The following GJA3 variants were observed in gnomAD, a reference collection of about 807,000 sequenced individuals.
GJA3 encodes gap junction alpha-3 protein.
For missense variants in GJA3, 571 were observed against 620.3 expected, an observed-to-expected ratio of 0.92 and a Z score of 0.84; for synonymous variants, 297 against 292.6, an observed-to-expected ratio of 1.02 and a Z score of -0.15.
chr13:20,149,955 C>A (rs1044312988), intron 1 of GJA3, among the ~76,000 whole-genome samples: 1 of 152,096 alleles, frequency 6.6e-6, no homozygotes, highest in Non-Finnish European at 1.5e-5. Context: ...TCAGGAACAG[C>A]GTGGTAATCT....
At chr13:20,145,182 A>C (rs953314022) in intron 1 of GJA3, among the ~76,000 whole-genome samples, 5 of 152,188 alleles carry the variant, frequency 3.3e-5, no homozygotes, top group African/African-American at 4.8e-5. Context: ...AGTCCATCTC[A>C]AAAAAATTTT....
rs746223535 is a variant in GJA3, at chr13:20,142,569, C to T, written c.720G>A (p.Pro240=). ...TCCCCAGCGGGGCCTCGGAGGCGTC[C>T]GGGCCGAGGCGGCTGGTCACGCCCT... ...LKQGVTSRLG[P]DASEAPLGTA... is the part of the protein sequence containing the mutation. The change falls in exon 2 of 2, where the codon CCG becomes CCA. Residue 240 remains proline, a synonymous_variant. Transcript: ENST00000241125. 5 of 1,594,318 alleles carry T rather than the reference C, an allele frequency of 3.1e-6. No individual in the cohort carries two copies. The highest frequency in any genetic ancestry group is 4.3e-6 in the Non-Finnish European group (5 of 1,171,016).
chr13:20,150,705 G>A (rs2141142392), intron 1 of GJA3, among the ~76,000 whole-genome samples: 1 of 151,268 alleles, frequency 6.6e-6, no homozygotes, highest in African/African-American at 2.5e-5. Flanking sequence ...GGGGCTGGAG[G>A]GCGAAGGCCC....
intron 1 of GJA3, among the ~76,000 whole-genome samples, chr13:20,159,117 A>G (rs1958922778): frequency 6.6e-6 from 1 of 151,950 alleles, no homozygotes; most frequent in Non-Finnish European, 1.5e-5. Context: ...TGTCACATAT[A>G]TTGGATTTTT....
chr13:20,146,906 G>A (rs1046568152), intron 1 of GJA3, among the ~76,000 whole-genome samples: 2 of 152,310 alleles, frequency 1.3e-5, no homozygotes, highest in South Asian at 2.1e-4. Context: ...GGCTGACACC[G>A]TGCTCTGGCC....
At chr13:20,148,588 A>T (rs1378338365) in intron 1 of GJA3, among the ~76,000 whole-genome samples, 1 of 152,184 alleles carries the variant, frequency 6.6e-6, no homozygotes, top group Non-Finnish European at 1.5e-5. Context: ...TATTCCTAAT[A>T]TCACTAGATA....
rs1047204525 is a variant in GJA3 at position 20,142,049 on chromosome 13, G to A, written c.1240C>T (p.Pro414Ser). The A allele has an allele frequency of 1.3e-6, 2 of 1,550,240 alleles. No individual in the cohort carries two copies. The highest frequency in any genetic ancestry group is 2.4e-5 in the South Asian group (2 of 84,032). ...CTGCTGGCCTTGCTGGCCCGACCTGGGTCTCCGAGGGGCAAGGGCGGCTGG... is the reference window on the plus strand; with the variant it reads ...CTGCTGGCCTTGCTGGCCCGACCTGAGTCTCCGAGGGGCAAGGGCGGCTGG... ...MHQPPLPLGDPGRASKASRAS... is the reference protein window; with the variant it reads ...MHQPPLPLGDSGRASKASRAS... Residue 414 changes from proline (P) to serine (S), a missense_variant, in exon 2 of 2, where the codon CCA (proline) becomes TCA (serine). Transcript: ENST00000241125.
At chr13:20,154,110 A>C (rs1958894825) in intron 1 of GJA3, among the ~76,000 whole-genome samples, 1 of 152,112 alleles carries the variant, frequency 6.6e-6, no homozygotes. Flanking sequence ...TACTTCTAAC[A>C]CAGGAAACTT....
rs901538187 is a variant in GJA3, at chr13:20,143,268, C to T, written c.21G>A (p.Leu7=). 2 of 1,521,800 alleles carry T rather than the reference C, an allele frequency of 1.3e-6. No homozygotes were observed. The highest frequency in any genetic ancestry group is 1.8e-6 in the Non-Finnish European group (2 of 1,137,362). 94.3% of individuals were successfully genotyped at this position (1,521,800 alleles called of 1,614,324 possible). A position where few individuals can be genotyped will look rare whatever the true frequency, so the allele number is the denominator to read the frequency against. ...CCTGTGCATTTTCTAAGAGTCTTCCCAGAAAGCTCCAGTCGCCCATTGCTT... is the reference window on the plus strand; with the variant it reads ...CCTGTGCATTTTCTAAGAGTCTTCCTAGAAAGCTCCAGTCGCCCATTGCTT... MGDWSF[L]GRLLENAQEH... is the part of the protein sequence containing the mutation. Residue 7 remains leucine (L), a synonymous_variant, in exon 2 of 2, where the codon CTG becomes CTA. Coordinates refer to ENST00000241125, the MANE Select transcript of GJA3 (RefSeq NM_021954.4).
At chr13:20,146,215 A>C (rs977592393) in intron 1 of GJA3, among the ~76,000 whole-genome samples, 40 of 152,330 alleles carry the variant, frequency 2.6e-4, no homozygotes, top group African/African-American at 9.1e-4. Flanking sequence ...CTGATGGCAC[A>C]GAGCACCATG....
In GJA3 at chr13:20,143,124, G is replaced by A. The variant is rs140530621; in HGVS notation, c.165C>T (p.Asn55=). The A allele has an allele frequency of 3.1e-6, 5 of 1,613,466 alleles. No homozygotes were observed. The highest frequency in any genetic ancestry group is 3.4e-6 in the Non-Finnish European group (4 of 1,179,780). ...CGTTCTCGCAGCCCGGCTGCTGGGTGTTGCAGGTGAAGTCTGACTGCTCAT... is the reference window on the plus strand; with the variant it reads ...CGTTCTCGCAGCCCGGCTGCTGGGTATTGCAGGTGAAGTCTGACTGCTCAT... ...WGDEQSDFTC[N]TQQPGCENVC... Residue 55 remains asparagine (N), a synonymous_variant, in exon 2 of 2, where the codon AAC becomes AAT. Transcript: ENST00000241125.
rs747948497 is a variant in GJA3 at position 20,142,995 on chromosome 13, G to T, written c.294C>A (p.His98Gln). Residue 98 changes from histidine (H) to glutamine (Q), a missense_variant, in exon 2 of 2, where the codon CAC becomes CAA. His to Gln is a conservative substitution (Grantham distance 24). Transcript: ENST00000241125. ...TCTTCTTCTCTTCCATGCGCACGAT[G>T]TGCAGCACGTGGCCCAGGTAGATGA... is the stretch of plus-strand genomic sequence containing the variant. ...PTLIYLGHVL[H>Q]IVRMEEKKKE... 3 of 1,603,740 alleles carry T rather than the reference G, an allele frequency of 1.9e-6. No homozygotes were observed. In the Admixed American group the frequency reaches 5.2e-5, roughly 28 times the overall value.
intron 1 of GJA3, among the ~76,000 whole-genome samples, chr13:20,155,690 TC>T (rs1593339861): frequency 6.6e-6 from 1 of 151,798 alleles, no homozygotes; most frequent in Admixed American, 6.6e-5. Context: ...TTTTATTTTC[TC>T]CCTTGTCCTA....
At position 20,143,037 on chromosome 13, in the gene GJA3, G is replaced by T; in HGVS notation, c.252C>A (p.Phe84Leu). ...GGTAGATGAGGGTGGGCGTGGACAC[G>T]AAGATGATCTGCAGCGCCCAGAAGC... is the stretch of plus-strand genomic sequence containing the variant. ...HIRFWALQIIFVSTPTLIYLG... is the reference protein window; with the variant it reads ...HIRFWALQIILVSTPTLIYLG... The change falls in exon 2 of 2, where the codon TTC becomes TTA. Residue 84 changes from phenylalanine (F) to leucine (L), a missense_variant. Physicochemically the swap from Phe to Leu is conservative, Grantham distance 22. Transcript: ENST00000241125. 1 of 1,613,194 alleles carries T rather than the reference G, an allele frequency of 6.2e-7. No individual in the cohort carries two copies. The highest frequency in any genetic ancestry group is 8.5e-7 in the Non-Finnish European group (1 of 1,179,606).
At chr13:20,151,725 G>A (rs1190649797) in intron 1 of GJA3, among the ~76,000 whole-genome samples, 1 of 152,104 alleles carries the variant, frequency 6.6e-6, no homozygotes, top group Non-Finnish European at 1.5e-5. Flanking sequence ...GCTGAGGCGG[G>A]GGAGGCAGAC....
chr13:20,148,769 T>G (rs1958859043), intron 1 of GJA3, among the ~76,000 whole-genome samples: 1 of 152,240 alleles, frequency 6.6e-6, no homozygotes, highest in Non-Finnish European at 1.5e-5. Flanking sequence ...GGGCTTTCGC[T>G]CATCACCCAC....
chr13:20,158,143 A>G (rs1241956797), intron 1 of GJA3, among the ~76,000 whole-genome samples: 1 of 152,202 alleles, frequency 6.6e-6, no homozygotes, highest in Non-Finnish European at 1.5e-5. Context: ...CCCAGTCAGA[A>G]TTATCTTTTT....
intron 1 of GJA3, among the ~76,000 whole-genome samples, chr13:20,148,597 T>C (rs1958857928): frequency 6.6e-6 from 1 of 152,090 alleles, no homozygotes; most frequent in Admixed American, 6.6e-5. Context: ...TATCACTAGA[T>C]AGTGAAATCA....
rs889923492 is a variant in GJA3, at chr13:20,138,608, A to T, written c.*3373T>A. The T allele has an allele frequency of 1.1e-5, 1 of 93,482 alleles. No individual in the cohort carries two copies. Among genetic ancestry groups the T allele is most frequent in the African/African-American group, 3.1e-5 (1 of 32,518 alleles). 5.8% of individuals were successfully genotyped at this position (93,482 alleles called of 1,614,324 possible). A position where few individuals can be genotyped will look rare whatever the true frequency, so the allele number is the denominator to read the frequency against. On this transcript the variant is annotated 3_prime_UTR_variant, in exon 2 of 2. Coordinates refer to ENST00000241125, the MANE Select transcript of GJA3 (RefSeq NM_021954.4). ...GTGCCTTCCCTGACCTTAAATGTAC[A>T]ATGTCCATATGCTATATTAAAGGTT... is the stretch of plus-strand genomic sequence containing the variant.
Sources: gnomAD v4.1 joint callset for allele counts (sites outside exome capture counted in the v4.1 genomes callset) on GRCh38, gnomAD v4.1.1 for gene constraint, MANE v1.5 for transcripts, NCBI Gene and HGNC (gene_info 2026-07-23, HGNC 2026-07-21) for gene names.